The following RNF150 variants were observed in gnomAD, a reference collection of about 807,000 sequenced individuals.
RNF150 encodes the protein ring finger protein 150.
RNF150 carries 24 observed loss-of-function variants against 39.3 expected under a neutral mutation model. The observed-to-expected ratio is 0.61, with a 90% CI of 0.44 to 0.86. The LOEUF (loss-of-function observed/expected upper bound fraction) is 0.86. Ranked by LOEUF, RNF150 falls within the 40% of genes least tolerant of loss-of-function variation. RNF150 has a pLI of 0.00. For missense variants in RNF150, 502 were observed against 587.8 expected, an observed-to-expected ratio of 0.85 and a Z score of 1.51; for synonymous variants, 255 against 227.3, an observed-to-expected ratio of 1.12 and a Z score of -1.10.
At chr4:141,038,194 A>G (rs2110848382) in intron 1 of RNF150, among the ~76,000 whole-genome samples, 1 of 152,210 alleles carries the variant, frequency 6.6e-6, no homozygotes, top group South Asian at 2.1e-4. Context: ...AAGATTCCTA[A>G]ACAAGACAAA....
intron 1 of RNF150, among the ~76,000 whole-genome samples, chr4:141,027,926 G>GTTTTTTT (rs61543533): frequency 1.4e-5 from 1 of 69,122 alleles, no homozygotes; most frequent in Non-Finnish European, 2.7e-5. Flanking sequence ...TTTTTTTTTT[G>GTTTTTTT]TTTTTTTTTT....
At chr4:141,149,326 G>A (rs1054681688) in intron 1 of RNF150, among the ~76,000 whole-genome samples, 6 of 151,782 alleles carry the variant, frequency 4.0e-5, no homozygotes, top group Admixed American at 3.9e-4. Context: ...AGATTTTGGT[G>A]CACCCAGCAC....
intron 5 of RNF150, 73 bp downstream of exon 5, chr4:140,925,901 TATA>T: frequency 1.0e-6 from 1 of 994,582 alleles, no homozygotes; most frequent in Non-Finnish European, 1.6e-6. Context: ...AACATCCAAG[TATA>T]ATGTTTTCTC....
intron 1 of RNF150, among the ~76,000 whole-genome samples, chr4:141,194,248 T>C (rs895436169): frequency 6.6e-6 from 1 of 152,230 alleles, no homozygotes; most frequent in Non-Finnish European, 1.5e-5. Context: ...TATAGTATTA[T>C]ACACATTCAA....
intron 1 of RNF150, among the ~76,000 whole-genome samples, chr4:141,035,058 A>G (rs1359675640): frequency 6.6e-6 from 1 of 152,240 alleles, no homozygotes; most frequent in Non-Finnish European, 1.5e-5. Flanking sequence ...AAGCAAAAAT[A>G]GGTATACTTG....
intron 2 of RNF150, among the ~76,000 whole-genome samples, chr4:140,961,336 T>A (rs1733016205): frequency 6.6e-6 from 1 of 152,130 alleles, no homozygotes; most frequent in Admixed American, 6.6e-5. Context: ...TTCTTTTAAT[T>A]GTGATCTGCA....
intron 5 of RNF150, among the ~76,000 whole-genome samples, chr4:140,912,730 T>C (rs1730654042): frequency 6.6e-6 from 1 of 152,174 alleles, no homozygotes; most frequent in Non-Finnish European, 1.5e-5. Flanking sequence ...CTGTATTCTT[T>C]CTTCTTTTTG....
intron 1 of RNF150, among the ~76,000 whole-genome samples, chr4:140,973,653 G>T (rs141942786): frequency 0.02 from 3,113 of 152,080 alleles, 45 homozygotes; most frequent in Middle Eastern, 0.051. Context: ...GAGGTGGGCG[G>T]ATCACCTGAG....
rs552511069 is a variant in RNF150 at position 141,080,457 on chromosome 4, G to C, written c.484+51868C>G. The stretch of plus-strand genomic sequence containing the variant: ...CTATAATCAGTTTAAATTTTCTCTC[G>C]TCATTGTCAAGATACAGTGATGTGA... On this transcript the variant is annotated intron_variant, in intron 1 of 6. Coordinates refer to ENST00000515673, the MANE Select transcript of RNF150 (RefSeq NM_020724.2). Among the ~76,000 whole-genome samples the C allele has an allele frequency of 2.6e-5, 4 of 152,098 alleles. 1 individual carries two copies. In the South Asian group the frequency reaches 8.3e-4, roughly 32 times the overall value.
At chr4:141,175,074 T>C (rs965092870) in intron 1 of RNF150, among the ~76,000 whole-genome samples, 1 of 152,174 alleles carries the variant, frequency 6.6e-6, no homozygotes, top group Non-Finnish European at 1.5e-5. Context: ...AACTGGTTGT[T>C]TCAGAAGACC....
chr4:140,897,148 A>G (rs111328240), intron 6 of RNF150, among the ~76,000 whole-genome samples: 112 of 152,236 alleles, frequency 7.4e-4, no homozygotes, highest in African/African-American at 2.5e-3. Flanking sequence ...CAGTGGGGAG[A>G]TTCTCAAGGC....
At chr4:141,032,059 C>T (rs1446297130) in intron 1 of RNF150, among the ~76,000 whole-genome samples, 1 of 151,802 alleles carries the variant, frequency 6.6e-6, no homozygotes, top group Non-Finnish European at 1.5e-5. Flanking sequence ...TATATATACA[C>T]ACACACACAC....
At chr4:141,156,879 T>C (rs1727413360) in intron 1 of RNF150, among the ~76,000 whole-genome samples, 1 of 151,998 alleles carries the variant, frequency 6.6e-6, no homozygotes, top group Non-Finnish European at 1.5e-5. Context: ...AGCACTCCAG[T>C]CTGGGCAGTA....
chr4:141,080,941 C>T (rs935148724), intron 1 of RNF150, among the ~76,000 whole-genome samples: 3 of 152,170 alleles, frequency 2.0e-5, no homozygotes, highest in Non-Finnish European at 4.4e-5. Flanking sequence ...GATCGCCAAA[C>T]GAGACCTGCA....
intron 1 of RNF150, among the ~76,000 whole-genome samples, chr4:141,192,996 C>T (rs991240468): frequency 2.0e-4 from 31 of 152,326 alleles, no homozygotes; most frequent in African/African-American, 7.0e-4. Context: ...TTCATAAGAC[C>T]TGTCTTGGCC....
intron 2 of RNF150, among the ~76,000 whole-genome samples, chr4:140,954,872 A>C (rs892148577): frequency 1.3e-5 from 2 of 152,240 alleles, no homozygotes; most frequent in African/African-American, 2.4e-5. Flanking sequence ...GGATTCCAAA[A>C]CATAGCATCA....
At chr4:141,069,872 T>C (rs180814507) in intron 1 of RNF150, among the ~76,000 whole-genome samples, 2 of 152,198 alleles carry the variant, frequency 1.3e-5, no homozygotes, top group African/African-American at 4.8e-5. Context: ...TATTCTCTGA[T>C]GGTAGTTTGT....
intron 1 of RNF150, among the ~76,000 whole-genome samples, chr4:141,077,094 T>C (rs1249121398): frequency 1.3e-5 from 2 of 152,108 alleles, no homozygotes; most frequent in African/African-American, 2.4e-5. Flanking sequence ...TTCTATCATA[T>C]TGGGGGAGAA....
intron 1 of RNF150, among the ~76,000 whole-genome samples, chr4:141,150,976 G>GGCT (rs1488525574): frequency 6.6e-6 from 1 of 152,066 alleles, no homozygotes; most frequent in African/African-American, 2.4e-5. Flanking sequence ...CACCCAGGGA[G>GGCT]GCTGGAGTGT....
Sources: gnomAD v4.1 joint callset for allele counts (sites outside exome capture counted in the v4.1 genomes callset) on GRCh38, gnomAD v4.1.1 for gene constraint, MANE v1.5 for transcripts, NCBI Gene and HGNC (gene_info 2026-07-23, HGNC 2026-07-21) for gene names.